The following TTC27 variants were observed in gnomAD, a reference collection of about 807,000 sequenced individuals.
TTC27 encodes tetratricopeptide repeat domain 27, also known as tetratricopeptide repeat protein 27.
Under a neutral mutation model 115.9 loss-of-function variants are expected in TTC27, and 79 were observed. The observed-to-expected ratio is 0.68, with a 90% CI of 0.57 to 0.82. The LOEUF (loss-of-function observed/expected upper bound fraction) is 0.82, where lower values mean the gene tolerates loss of function less well. TTC27 is among the 40% of genes least tolerant of loss of function. The pLI, the probability that TTC27 is intolerant of heterozygous loss-of-function variation, is 0.00. For missense variants in TTC27, 1,054 were observed against 993.1 expected, an observed-to-expected ratio of 1.06 and a Z score of -0.82; for synonymous variants, 401 against 356.0, an observed-to-expected ratio of 1.13 and a Z score of -1.42.
At chr2:32,721,975 A>G (rs990387918) in intron 10 of TTC27, among the ~76,000 whole-genome samples, 3 of 152,216 alleles carry the variant, frequency 2.0e-5, no homozygotes, top group South Asian at 2.1e-4. Context: ...CCTCATACCA[A>G]TGGTGATACT....
At chr2:32,705,359 A>T (rs901325480) in intron 10 of TTC27, among the ~76,000 whole-genome samples, 4 of 152,206 alleles carry the variant, frequency 2.6e-5, no homozygotes, top group Non-Finnish European at 4.4e-5. Context: ...ACCAAGCCTC[A>T]GGTATTCCTT....
At chr2:32,727,702 A>G (rs1332782915) in intron 10 of TTC27, among the ~76,000 whole-genome samples, 2 of 152,198 alleles carry the variant, frequency 1.3e-5, no homozygotes, top group Non-Finnish European at 2.9e-5. Context: ...AGAGATTTGC[A>G]GAATTGTTAA....
At chr2:32,794,737 C>G (rs1241828301) in intron 16 of TTC27, among the ~76,000 whole-genome samples, 2 of 151,652 alleles carry the variant, frequency 1.3e-5, no homozygotes, top group African/African-American at 4.8e-5. Context: ...TTACTGAAAT[C>G]AGAAATGAAA....
chr2:32,766,280 T>C (rs1669623142), intron 13 of TTC27, among the ~76,000 whole-genome samples: 1 of 152,252 alleles, frequency 6.6e-6, no homozygotes, highest in South Asian at 2.1e-4. Context: ...GATCACCTGA[T>C]ACATTTATCA....
intron 2 of TTC27, 44 bp downstream of exon 2, chr2:32,630,744 C>T: frequency 6.5e-7 from 1 of 1,541,484 alleles, no homozygotes; most frequent in Non-Finnish European, 8.8e-7. Context: ...AGAGCAAATA[C>T]ATTTAATAGC....
chr2:32,777,321 C>T (rs1188652462), intron 13 of TTC27, among the ~76,000 whole-genome samples: 2 of 152,226 alleles, frequency 1.3e-5, no homozygotes, highest in Non-Finnish European at 2.9e-5. Context: ...TGCTTCCAGG[C>T]GTCACCGCCC....
At position 32,648,201 on chromosome 2, in the gene TTC27, C is replaced by A. The variant is rs867725622; in HGVS notation, c.538-1930C>A. ...GGAGTGCAGTGGTGCAATCTTGGCT[C>A]ACTGCAACCTCCGCCTCCTGGGTTC... On this transcript the variant is annotated intron_variant, in intron 4 of 19. Coordinates refer to ENST00000317907, the MANE Select transcript of TTC27 (RefSeq NM_017735.5). Among the ~76,000 whole-genome samples, 9 of 152,180 alleles carry A rather than the reference C, an allele frequency of 5.9e-5. No homozygotes were observed. In the South Asian group the frequency reaches 8.3e-4, roughly 14 times the overall value.
intron 11 of TTC27, among the ~76,000 whole-genome samples, chr2:32,734,263 C>T (rs1321779867): frequency 6.6e-6 from 1 of 151,928 alleles, no homozygotes; most frequent in Admixed American, 6.6e-5. Flanking sequence ...TGGCGATTCA[C>T]GGGTGTGATC....
chr2:32,659,133 A>AT (rs770507925), intron 5 of TTC27, among the ~76,000 whole-genome samples: 7 of 151,898 alleles, frequency 4.6e-5, no homozygotes, highest in Non-Finnish European at 1.0e-4. Flanking sequence ...CCTGACTAAT[A>AT]TTTTTATTTT....
chr2:32,793,283 A>G (rs1233647722), intron 16 of TTC27, among the ~76,000 whole-genome samples: 2 of 152,184 alleles, frequency 1.3e-5, no homozygotes, highest in Non-Finnish European at 2.9e-5. Flanking sequence ...TCAATCAAGA[A>G]TCCTTTATCT....
At chr2:32,679,330 G>A (rs752602753) in intron 9 of TTC27, among the ~76,000 whole-genome samples, 4 of 152,208 alleles carry the variant, frequency 2.6e-5, no homozygotes, top group Non-Finnish European at 5.9e-5. Context: ...TCTCTGGACA[G>A]TTCCCTCATT....
At chr2:32,716,854 AG>A (rs1667768973) in intron 10 of TTC27, among the ~76,000 whole-genome samples, 1 of 150,818 alleles carries the variant, frequency 6.6e-6, no homozygotes, top group Non-Finnish European at 1.5e-5. Context: ...TCACCATGCC[AG>A]GCTAATTTTT....
chr2:32,659,688 A>G (rs1665463487), intron 5 of TTC27, among the ~76,000 whole-genome samples: 1 of 151,424 alleles, frequency 6.6e-6, no homozygotes, highest in Admixed American at 6.6e-5. Flanking sequence ...CTAGTCCTCC[A>G]CCCCACATGA....
intron 3 of TTC27, 125 bp from the exon 4 acceptor site, chr2:32,640,145 G>C: frequency 1.2e-6 from 1 of 864,422 alleles, no homozygotes. Flanking sequence ...GCCAATTGCT[G>C]TGTAATATAT....
chr2:32,758,451 CT>C lies in TTC27; in HGVS notation c.1614del (p.Arg539GlyfsTer9). On this transcript the variant is annotated frameshift_variant, in exon 13 of 20. Transcript: ENST00000317907. LOFTEE classifies it high-confidence loss of function. ...RAQRSKALLH[L>X]RNKEFQECVE... The stretch of plus-strand genomic sequence containing the variant: ...TCAGCGCTCCAAAGCCCTCCTTCAT[CT>C]TCGGAACAAGGAGTTTCAAGAGTGT... 5 of 1,614,200 alleles carry C rather than the reference CT, an allele frequency of 3.1e-6. No individual in the cohort carries two copies. Among genetic ancestry groups the C allele is most frequent in the Non-Finnish European group, 4.2e-6 (5 of 1,180,014 alleles).
At chr2:32,782,591 G>A in intron 14 of TTC27, 35 bp from the exon 15 acceptor site, 1 of 1,595,624 alleles carries the variant, frequency 6.3e-7, no homozygotes, top group Non-Finnish European at 8.6e-7. Flanking sequence ...ACCTAAATGA[G>A]AAGAGTTAAT....
intron 8 of TTC27, among the ~76,000 whole-genome samples, chr2:32,674,870 G>A (rs1666142449): frequency 6.6e-6 from 1 of 151,820 alleles, no homozygotes; most frequent in East Asian, 1.9e-4. Flanking sequence ...CACTGTGTTA[G>A]CCAGGATGGT....
Position 32,793,639 on chromosome 2 carries a change from C to T in TTC27, c.1998+6490C>T, listed in dbSNP as rs574505264. 4.6e-5 allele frequency among the ~76,000 whole-genome samples: 7 copies of T among 152,296 alleles called. No individual in the cohort carries two copies. The South Asian group carries it at 1.5e-3, about 32-fold the overall frequency. On this transcript the variant is annotated intron_variant, in intron 16 of 19. Transcript: ENST00000317907. ...CTGGGTTCAAGTGATTCTCCTGCCT[C>T]AGCCTCCTGAGTAACTGGGATTATA...
intron 13 of TTC27, among the ~76,000 whole-genome samples, chr2:32,762,275 A>G (rs991167199): frequency 9.1e-6 from 1 of 109,396 alleles, no homozygotes; most frequent in Non-Finnish European, 1.9e-5. Flanking sequence ...ACACAGAGAG[A>G]AGTGTGTGTG....
Sources: allele counts gnomAD v4.1 joint callset (sites outside exome capture counted in the v4.1 genomes callset), GRCh38; gene constraint gnomAD v4.1.1; transcripts MANE v1.5; gene names NCBI Gene and HGNC (gene_info 2026-07-23, HGNC 2026-07-21).